Variants in RASGRP3 observed in about 807,000 individuals in gnomAD.
RASGRP3 encodes RAS guanyl releasing protein 3.
A neutral mutation model predicts 82.7 loss-of-function variants in RASGRP3; 54 were observed. That is an observed-to-expected ratio of 0.65 (90% CI 0.52 to 0.82). The LOEUF is 0.82. RASGRP3 is among the 40% of genes least tolerant of loss of function. RASGRP3 has a pLI of 0.00. For synonymous variants in RASGRP3, 309 were observed against 300.5 expected, an observed-to-expected ratio of 1.03 and a Z score of -0.29; for missense variants, 861 against 828.9, an observed-to-expected ratio of 1.04 and a Z score of -0.48.
At chr2:33,471,659 A>G (rs1027278793), upstream of RASGRP3, among the ~76,000 whole-genome samples, 4 of 152,182 alleles carry the variant, frequency 2.6e-5, no homozygotes, top group East Asian at 7.7e-4. Flanking sequence ...AAGCTCAGTT[A>G]GAACTTGATT....
intron 2 of RASGRP3, among the ~76,000 whole-genome samples, chr2:33,464,890 T>G (rs1037844268): frequency 1.3e-5 from 2 of 152,206 alleles, no homozygotes; most frequent in African/African-American, 4.8e-5. Flanking sequence ...CTCTACAAAC[T>G]GGCCATTTCC....
At chr2:33,503,713 A>C (rs1670090419) in intron 1 of RASGRP3, among the ~76,000 whole-genome samples, 1 of 152,234 alleles carries the variant, frequency 6.6e-6, no homozygotes, top group South Asian at 2.1e-4. Context: ...AGAGTACTAT[A>C]AACACATGGG....
chr2:33,445,993 T>G (rs996941530), intron 1 of RASGRP3, among the ~76,000 whole-genome samples: 1 of 152,238 alleles, frequency 6.6e-6, no homozygotes, highest in Non-Finnish European at 1.5e-5. Context: ...CTGCCTTATC[T>G]AAGTGACCCT....
chr2:33,528,023 C>A (rs187289746), intron 10 of RASGRP3, among the ~76,000 whole-genome samples: 14 of 152,308 alleles, frequency 9.2e-5, no homozygotes, highest in Admixed American at 4.6e-4. Context: ...GGCCTTTGGA[C>A]TTGCTTGGAG....
intron 2 of RASGRP3, among the ~76,000 whole-genome samples, chr2:33,448,698 A>G (rs1346891853): frequency 6.6e-6 from 1 of 152,180 alleles, no homozygotes; most frequent in Non-Finnish European, 1.5e-5. Context: ...TAATAGTTGT[A>G]AAGTTTCTGT....
rs3083005 is a variant in RASGRP3 at position 33,514,505 on chromosome 2, CA to C, written c.-127-483del. On this transcript the variant is annotated intron_variant, in intron 2 of 17. Coordinates refer to ENST00000403687, the MANE Select transcript of RASGRP3 (RefSeq NM_001139488.2). ...GCAACATGGTAAAACCCCATCTCTA[CA>C]AAAAAAAAAAAAAAAAAAAAACCCA... Among the ~76,000 whole-genome samples, 582 of 60,642 alleles carry C rather than the reference CA, an allele frequency of 9.6e-3. 4 individuals are homozygous for C. In the South Asian group the frequency reaches 0.098, roughly 10 times the overall value. 39.8% of individuals were successfully genotyped at this position (60,642 alleles called of 152,430 possible).
chr2:33,475,685 A>G (rs757970819), upstream of RASGRP3, among the ~76,000 whole-genome samples: 1 of 152,226 alleles, frequency 6.6e-6, no homozygotes, highest in Non-Finnish European at 1.5e-5. Context: ...AGATACTTCA[A>G]GGGCTTTCCT....
At chr2:33,516,958 T>C (rs1671523545) in intron 4 of RASGRP3, among the ~76,000 whole-genome samples, 1 of 152,232 alleles carries the variant, frequency 6.6e-6, no homozygotes, top group Non-Finnish European at 1.5e-5. Context: ...TATTTAACAA[T>C]GATTCAAGAC....
chr2:33,508,973 T>C (rs1194607644), intron 1 of RASGRP3, among the ~76,000 whole-genome samples: 2 of 152,248 alleles, frequency 1.3e-5, no homozygotes, highest in Non-Finnish European at 2.9e-5. Flanking sequence ...TCCATAAGTC[T>C]GAGCCTCAGA....
At chr2:33,496,115 G>A (rs929883719) in intron 1 of RASGRP3, among the ~76,000 whole-genome samples, 1 of 152,216 alleles carries the variant, frequency 6.6e-6, no homozygotes, top group South Asian at 2.1e-4. Flanking sequence ...GGCTAAATCT[G>A]TTTATAACCT....
At chr2:33,520,490 A>G (rs972955249) in intron 5 of RASGRP3, 63 bp from the exon 6 acceptor site, 60 of 1,594,560 alleles carry the variant, frequency 3.8e-5, no homozygotes, top group African/African-American at 1.2e-4. Flanking sequence ...AAACGGTACA[A>G]TCGTTTCCAT....
Position 33,540,869 on chromosome 2 carries a change from AAAAG to A in RASGRP3, c.1278+1660_1278+1663del, listed in dbSNP as rs1182149111. On this transcript the variant is annotated intron_variant, in intron 12 of 17. Transcript: ENST00000403687. ...AGTAATGATACTGGAATTAAAAAAA[AAAAG>A]GTAATGTTTTCTGATTTTGCACAAT... 5.5e-5 allele frequency among the ~76,000 whole-genome samples: 8 copies of A among 146,186 alleles called. 1 individual carries two copies. Among genetic ancestry groups the A allele is most frequent in the African/African-American group, 2.0e-4 (8 of 41,002 alleles).
At chr2:33,543,835 TGAACACAA>T (rs1198670810) in intron 13 of RASGRP3, among the ~76,000 whole-genome samples, 13 of 152,206 alleles carry the variant, frequency 8.5e-5, no homozygotes, top group Non-Finnish European at 1.8e-4. Context: ...TTGTCAGTGT[TGAACACAA>T]GTGCACATTT....
At chr2:33,526,885 C>A (rs1672615247) in intron 9 of RASGRP3, among the ~76,000 whole-genome samples, 1 of 152,220 alleles carries the variant, frequency 6.6e-6, no homozygotes, top group Non-Finnish European at 1.5e-5. Context: ...AATATCCCAA[C>A]ATCCCTAGTA....
chr2:33,470,455 C>T (rs1666989119), intron 2 of RASGRP3, among the ~76,000 whole-genome samples: 1 of 151,030 alleles, frequency 6.6e-6, no homozygotes, highest in Admixed American at 6.6e-5. Context: ...TCTCAGCTCA[C>T]TGCAAGCTCC....
At chr2:33,552,627 C>T (rs1023107565) in intron 14 of RASGRP3, among the ~76,000 whole-genome samples, 12 of 152,060 alleles carry the variant, frequency 7.9e-5, no homozygotes, top group African/African-American at 2.2e-4. Context: ...GTTCCAGTGC[C>T]GGAACCATCT....
intron 17 of RASGRP3, chr2:33,559,689 G>A (rs1368733358): frequency 3.9e-6 from 2 of 509,464 alleles, no homozygotes; most frequent in African/African-American, 3.9e-5. Context: ...AAGGATTTGA[G>A]AAAATTGGCA....
chr2:33,541,393 A>C (rs895519179), intron 12 of RASGRP3, among the ~76,000 whole-genome samples: 1 of 146,728 alleles, frequency 6.8e-6, no homozygotes, highest in African/African-American at 2.4e-5. Flanking sequence ...TATCTTACGC[A>C]ACTTTGTTCG....
In RASGRP3 at chr2:33,534,350, G is replaced by C; in HGVS notation, c.1111G>C (p.Asp371His). 1 of 1,579,760 alleles carries C rather than the reference G, an allele frequency of 6.3e-7. No individual in the cohort carries two copies. Among genetic ancestry groups the C allele is most frequent in the Non-Finnish European group, 8.7e-7 (1 of 1,149,740 alleles). The change falls in exon 11 of 18, where the codon GAT becomes CAT. Residue 371 changes from aspartate (D) to histidine (H), a missense_variant. Coordinates refer to ENST00000403687, the MANE Select transcript of RASGRP3 (RefSeq NM_001139488.2). ...TTCCCTGGACCTCTATCACACTGAAGATGATATTTACAAACTGTCACTGGT... is the reference window on the plus strand; with the variant it reads ...TTCCCTGGACCTCTATCACACTGAACATGATATTTACAAACTGTCACTGGT... ...TLSLDLYHTE[D>H]DIYKLSLVLE... is the part of the protein sequence containing the mutation.
Sources: gnomAD v4.1 joint callset for allele counts (sites outside exome capture counted in the v4.1 genomes callset) on GRCh38, gnomAD v4.1.1 for gene constraint, MANE v1.5 for transcripts, NCBI Gene and HGNC (gene_info 2026-07-23, HGNC 2026-07-21) for gene names.